Variants in DAD1 observed in about 807,000 individuals in gnomAD.
The protein encoded by DAD1 is defender against cell death 1.
A neutral mutation model predicts 9.0 loss-of-function variants in DAD1; 4 were observed. The observed-to-expected ratio is 0.44, with a 90% CI of 0.22 to 1.01. DAD1 has a LOEUF of 1.01. Ranked by LOEUF, DAD1 falls within the 50% of genes least tolerant of loss-of-function variation. The probability of loss-of-function intolerance (pLI) is 0.24; values close to 1 mark genes in which losing one functional copy is unlikely to be tolerated. For missense variants in DAD1, 119 were observed against 137.3 expected, an observed-to-expected ratio of 0.87 and a Z score of 0.67; for synonymous variants, 60 against 62.5, an observed-to-expected ratio of 0.96 and a Z score of 0.19.
intron 1 of DAD1, 53 bp from the exon 2 acceptor site, chr14:22,575,286 T>C: frequency 6.3e-7 from 1 of 1,588,294 alleles, no homozygotes; most frequent in Non-Finnish European, 8.6e-7. Flanking sequence ...ATAAAATAAA[T>C]ATGCTAATGA....
In DAD1 at chr14:22,589,207, G is replaced by T. The variant is rs775041227; in HGVS notation, c.-50C>A. ...CGCGCCCCAAACTCTTGGAGGACCC[G>T]TCGACCACACCGGATGTGCTGTTTG... On this transcript the variant is annotated 5_prime_UTR_variant, in exon 1 of 3. Coordinates refer to ENST00000250498, the MANE Select transcript of DAD1 (RefSeq NM_001344.4). 1.3e-6 allele frequency: 2 copies of T among 1,588,130 alleles called. No individual in the cohort carries two copies. The highest frequency in any genetic ancestry group is 1.7e-6 in the Non-Finnish European group (2 of 1,158,150).
intron 2 of DAD1, among the ~76,000 whole-genome samples, chr14:22,573,366 A>T (rs1594880982): frequency 1.3e-5 from 2 of 152,068 alleles, no homozygotes; most frequent in Non-Finnish European, 2.9e-5. Flanking sequence ...ATAGAAGGGG[A>T]GGGAGGAAGG....
intron 1 of DAD1, among the ~76,000 whole-genome samples, chr14:22,575,865 A>G (rs1347130830): frequency 6.6e-6 from 1 of 152,168 alleles, no homozygotes; most frequent in Non-Finnish European, 1.5e-5. Flanking sequence ...AAAAATACAC[A>G]CTGGCTGGCC....
At chr14:22,577,524 G>A (rs2037085531) in intron 1 of DAD1, among the ~76,000 whole-genome samples, 2 of 152,188 alleles carry the variant, frequency 1.3e-5, no homozygotes, top group African/African-American at 4.8e-5. Flanking sequence ...ATAGCCAAAA[G>A]GTGAGAGCAG....
chr14:22,579,838 TC>T (rs2037103313), intron 1 of DAD1, among the ~76,000 whole-genome samples: 1 of 102,800 alleles, frequency 9.7e-6, no homozygotes, highest in African/African-American at 4.3e-5. Flanking sequence ...AAAAAGCCAA[TC>T]CTTTTTTTTT....
At chr14:22,577,585 A>G (rs5742780) in intron 1 of DAD1, among the ~76,000 whole-genome samples, 445 of 152,376 alleles carry the variant, frequency 2.9e-3, no homozygotes, top group African/African-American at 9.1e-3. Flanking sequence ...TATACATACA[A>G]TGGAATACTC....
chr14:22,569,253 T>G (rs2037021764), intron 2 of DAD1, among the ~76,000 whole-genome samples: 1 of 147,652 alleles, frequency 6.8e-6, no homozygotes. Flanking sequence ...GCCAACATGG[T>G]GAAACCATGT....
chr14:22,572,151 G>A (rs1212397973), intron 2 of DAD1, among the ~76,000 whole-genome samples: 1 of 151,870 alleles, frequency 6.6e-6, no homozygotes, highest in Non-Finnish European at 1.5e-5. Flanking sequence ...TTTCAGAGTA[G>A]GTTAGAGTTT....
At chr14:22,588,866 G>A (rs1242217398) in intron 1 of DAD1, 81 bp downstream of exon 1, 1 of 1,378,272 alleles carries the variant, frequency 7.3e-7, no homozygotes, top group Non-Finnish European at 1.0e-6. Context: ...AGGGGCGGTG[G>A]TCTGATATAG....
rs977912225 is a variant in DAD1, at chr14:22,575,035, A to C, written c.*44+24T>G. ...CTCTTCCTAAAATCAACATTATAGG[A>C]CAAGGACTATGATCATCACTTACAT... On this transcript the variant is annotated intron_variant, in intron 2 of 2. Coordinates refer to ENST00000250498, the MANE Select transcript of DAD1 (RefSeq NM_001344.4). 10 of 1,573,702 alleles carry C rather than the reference A, an allele frequency of 6.4e-6. No individual in the cohort carries two copies. In the African/African-American group the frequency reaches 1.4e-4, roughly 21 times the overall value.
intron 1 of DAD1, among the ~76,000 whole-genome samples, chr14:22,576,697 G>A (rs2037079946): frequency 6.6e-6 from 1 of 152,124 alleles, no homozygotes; most frequent in South Asian, 2.1e-4. Flanking sequence ...CTACGGAATG[G>A]GGAAAAATAT....
intron 2 of DAD1, among the ~76,000 whole-genome samples, chr14:22,568,608 CACAG>C (rs1314894261): frequency 6.6e-6 from 1 of 151,894 alleles, no homozygotes; most frequent in Non-Finnish European, 1.5e-5. Flanking sequence ...CCTCTCACAA[CACAG>C]ACAGAGAAAC....
At position 22,589,098 on chromosome 14, in the gene DAD1, A is replaced by G; in HGVS notation, c.60T>C (p.Thr20=). The change falls in exon 1 of 3, where the codon ACT becomes ACC. Residue 20 remains threonine, a synonymous_variant. Coordinates refer to ENST00000250498, the MANE Select transcript of DAD1 (RefSeq NM_001344.4). ...CGTCCAGCAACTTCAGACGCTGCGG[A>G]GTGGAGCTCAAGTACTCTTCTAAGA... ...SRFLEEYLSS[T]PQRLKLLDAY... is the part of the protein sequence containing the mutation. 6.2e-7 allele frequency: 1 copy of G among 1,614,208 alleles called. No homozygotes were observed. Among genetic ancestry groups the G allele is most frequent in the Non-Finnish European group, 8.5e-7 (1 of 1,180,048 alleles).
chr14:22,588,935 T>G lies in DAD1; in HGVS notation c.211+12A>C, dbSNP rs369636622. The G allele has an allele frequency of 6.2e-7, 1 of 1,613,590 alleles. No homozygotes were observed. The highest frequency in any genetic ancestry group is 1.7e-5 in the Admixed American group (1 of 59,978). On this transcript the variant is annotated intron_variant, in intron 1 of 2. Coordinates refer to ENST00000250498, the MANE Select transcript of DAD1 (RefSeq NM_001344.4). ...AACACATTATTATTATGATCACTTA[T>G]AGAACCATTACCCGCTAGGATGAAA...
chr14:22,565,446 A>ACT (rs4048745), intron 2 of DAD1, among the ~76,000 whole-genome samples: 14,266 of 152,224 alleles, frequency 0.094, 1,225 homozygotes, highest in African/African-American at 0.23. Flanking sequence ...CACATAAGTC[A>ACT]CTGACTTCCC....
chr14:22,569,498 C>T (rs1370003424), intron 2 of DAD1, among the ~76,000 whole-genome samples: 1 of 151,468 alleles, frequency 6.6e-6, no homozygotes, highest in Non-Finnish European at 1.5e-5. Flanking sequence ...TTACTGTTCA[C>T]AATTGAGTCC....
Position 22,568,354 on chromosome 14 carries a change from G to GT in DAD1, c.*45-3218dup, listed in dbSNP as rs548167486. ...GACATTTTACAAATGTTTACTTTTTGTAAAAGGCTTCATACAAATATGTGC... is the reference window on the plus strand; with the variant it reads ...GACATTTTACAAATGTTTACTTTTTGTTAAAAGGCTTCATACAAATATGTGC... On this transcript the variant is annotated intron_variant, in intron 2 of 2. Transcript: ENST00000250498. 1.5e-4 allele frequency among the ~76,000 whole-genome samples: 23 copies of GT among 152,334 alleles called. No individual in the cohort carries two copies. The East Asian group carries it at 4.2e-3, about 28-fold the overall frequency.
intron 1 of DAD1, among the ~76,000 whole-genome samples, chr14:22,584,696 C>T (rs1172942101): frequency 3.9e-5 from 6 of 152,102 alleles, no homozygotes; most frequent in Non-Finnish European, 8.8e-5. Context: ...ACTGTTGGAG[C>T]AGAGTATAGA....
At chr14:22,572,900 G>A (rs1015447322) in intron 2 of DAD1, among the ~76,000 whole-genome samples, 1 of 152,188 alleles carries the variant, frequency 6.6e-6, no homozygotes, top group Non-Finnish European at 1.5e-5. Flanking sequence ...ATATTTGCAA[G>A]CGTGAGAAGG....
Sources: gnomAD v4.1 joint callset for allele counts (sites outside exome capture counted in the v4.1 genomes callset) on GRCh38, gnomAD v4.1.1 for gene constraint, MANE v1.5 for transcripts, NCBI Gene and HGNC (gene_info 2026-07-23, HGNC 2026-07-21) for gene names.